CHCHD3: variants seen among roughly 807,000 people sequenced by gnomAD.
CHCHD3 encodes the protein coiled-coil-helix-coiled-coil-helix domain containing 3.
Under a neutral mutation model 38.2 loss-of-function variants are expected in CHCHD3, and 20 were observed. The ratio of observed to expected loss-of-function variants is 0.52; its 90% confidence interval spans 0.37 to 0.76. The LOEUF (loss-of-function observed/expected upper bound fraction) is 0.76, where lower values mean the gene tolerates loss of function less well. Among genes scored for constraint, CHCHD3 ranks in the 30% least tolerant of loss-of-function variants. The probability of loss-of-function intolerance (pLI) is 0.00; values close to 1 mark genes in which losing one functional copy is unlikely to be tolerated. For missense variants in CHCHD3, 245 were observed against 279.2 expected (o/e 0.88, Z 0.87); for synonymous variants, 82 against 100.0 (o/e 0.82, Z 1.07).
intron 5 of CHCHD3, among the ~76,000 whole-genome samples, chr7:132,858,441 A>G (rs565583116): frequency 6.6e-6 from 1 of 152,198 alleles, no homozygotes; most frequent in Non-Finnish European, 1.5e-5. Context: ...GACAAAAAAC[A>G]AAAGTAATGA....
rs1234351482 is a variant in CHCHD3, at chr7:132,914,121, G to GGTGT, written c.370-28377_370-28376insACAC. ...ATTACAGATGCCCACCACCATGCCT[G>GGTGT]GCGTGTGTGTGTGTGTGTGTGTGTG... On this transcript the variant is annotated intron_variant, in intron 4 of 7. Transcript: ENST00000262570. 3.7e-3 allele frequency among the ~76,000 whole-genome samples: 427 copies of GGTGT among 114,004 alleles called. 1 individual carries two copies. The highest frequency in any genetic ancestry group is 0.014 in the African/African-American group (396 of 28,294). The allele number at this position is 114,004 out of a possible 152,430, so 74.8% of individuals were successfully genotyped here.
At chr7:132,805,683 A>T (rs1353466686) in intron 6 of CHCHD3, among the ~76,000 whole-genome samples, 2 of 152,154 alleles carry the variant, frequency 1.3e-5, no homozygotes, top group African/African-American at 4.8e-5. Flanking sequence ...AATCAGATGG[A>T]TAGAAGTGGA....
At chr7:133,019,422 A>G (rs372272737) in intron 3 of CHCHD3, among the ~76,000 whole-genome samples, 10 of 152,216 alleles carry the variant, frequency 6.6e-5, no homozygotes, top group East Asian at 3.8e-4. Flanking sequence ...AAAGGTACAA[A>G]TAAGTTTTAA....
chr7:132,820,403 C>G (rs974752617), intron 6 of CHCHD3, among the ~76,000 whole-genome samples: 1 of 152,082 alleles, frequency 6.6e-6, no homozygotes, highest in Non-Finnish European at 1.5e-5. Flanking sequence ...TAACTGCTAA[C>G]AAAAAATGTT....
At chr7:132,908,750 G>A (rs545280861) in intron 4 of CHCHD3, among the ~76,000 whole-genome samples, 9 of 152,314 alleles carry the variant, frequency 5.9e-5, no homozygotes, top group Non-Finnish European at 7.3e-5. Flanking sequence ...CTGAACTCAC[G>A]AGTCTGGGGA....
chr7:132,892,558 A>G (rs1185465606), intron 4 of CHCHD3, among the ~76,000 whole-genome samples: 4 of 152,210 alleles, frequency 2.6e-5, no homozygotes, highest in Non-Finnish European at 5.9e-5. Context: ...CTGAATGTTA[A>G]TCACCAAGAC....
intron 2 of CHCHD3, among the ~76,000 whole-genome samples, chr7:133,052,622 C>T (rs1186017252): frequency 6.6e-6 from 1 of 152,160 alleles, no homozygotes; most frequent in Admixed American, 6.5e-5. Context: ...GTGGTTGACA[C>T]ATTATTTTCT....
In CHCHD3 at chr7:132,996,739, G is replaced by A. The variant is rs142974813; in HGVS notation, c.252-21453C>T. On this transcript the variant is annotated intron_variant, in intron 3 of 7. Coordinates refer to ENST00000262570, the MANE Select transcript of CHCHD3 (RefSeq NM_017812.4). ...GAGATAAGCAAAGGGAAGAGGCAGC[G>A]GTGCGATGCTGAGGGAGTGTGCTCA... 3.9e-3 allele frequency among the ~76,000 whole-genome samples: 595 copies of A among 152,262 alleles called. 7 individuals carry two copies. Among genetic ancestry groups the A allele is most frequent in the African/African-American group, 0.01 (434 of 41,546 alleles).
In CHCHD3 at chr7:132,840,566, C is replaced by A. The variant is rs575231248; in HGVS notation, c.454-2097G>T. 2.0e-5 allele frequency among the ~76,000 whole-genome samples: 3 copies of A among 152,214 alleles called. No homozygotes were observed. In the South Asian group the frequency reaches 6.2e-4, roughly 32 times the overall value. ...TTCCCTTCCAGTGTTCCTAACCCAT[C>A]GAGTATGGATGATAATATTAGCCCT... On this transcript the variant is annotated intron_variant, in intron 5 of 7. Transcript: ENST00000262570.
intron 3 of CHCHD3, among the ~76,000 whole-genome samples, chr7:132,977,398 CAAAT>C (rs1811795091): frequency 6.6e-6 from 1 of 152,138 alleles, no homozygotes; most frequent in Non-Finnish European, 1.5e-5. Flanking sequence ...CACTTGTACT[CAAAT>C]AAATCCTGGA....
At chr7:132,947,987 C>A (rs1810938353) in intron 4 of CHCHD3, among the ~76,000 whole-genome samples, 1 of 151,876 alleles carries the variant, frequency 6.6e-6, no homozygotes, top group Non-Finnish European at 1.5e-5. Flanking sequence ...AAAGACACAA[C>A]CATTGGGGGG....
At chr7:133,045,530 A>T (rs1813959430) in intron 2 of CHCHD3, among the ~76,000 whole-genome samples, 1 of 152,216 alleles carries the variant, frequency 6.6e-6, no homozygotes, top group Non-Finnish European at 1.5e-5. Context: ...CTTCAATATG[A>T]TCATTTTATC....
chr7:132,954,064 A>G (rs1481849974), intron 4 of CHCHD3, among the ~76,000 whole-genome samples: 1 of 152,156 alleles, frequency 6.6e-6, no homozygotes, highest in East Asian at 1.9e-4. Flanking sequence ...GCAAAGTTTA[A>G]AAGAGGGCTG....
rs1195254355 is a variant in CHCHD3 at position 133,035,023 on chromosome 7, C to T, written c.170-10396G>A. 2 of 1,612,782 alleles carry T rather than the reference C, an allele frequency of 1.2e-6. No individual in the cohort carries two copies. The highest frequency in any genetic ancestry group is 1.3e-5 in the African/African-American group (1 of 75,030). ...GGCAGTGCCACAGAGAGTGTGTCCT[C>T]ATTGGAGTACTTGCGCTTAAATTCA... On this transcript the variant is annotated intron_variant, in intron 2 of 7. Transcript: ENST00000262570. The surrounding 1 kb of genome is among the most constrained non-coding windows in gnomAD (Gnocchi z 4.7).
intron 4 of CHCHD3, among the ~76,000 whole-genome samples, chr7:132,939,641 TC>T (rs1810716852): frequency 6.6e-6 from 1 of 152,204 alleles, no homozygotes; most frequent in Non-Finnish European, 1.5e-5. Context: ...CAAACACTGT[TC>T]AGTGACTCTC....
intron 4 of CHCHD3, among the ~76,000 whole-genome samples, chr7:132,924,346 A>T (rs2117243438): frequency 6.6e-6 from 1 of 152,318 alleles, no homozygotes; most frequent in African/African-American, 2.4e-5. Flanking sequence ...AAATCACAGA[A>T]TGAAGTACAA....
At chr7:132,838,334 G>T in intron 6 of CHCHD3, 65 bp downstream of exon 6, 2 of 1,096,942 alleles carry the variant, frequency 1.8e-6, no homozygotes, top group South Asian at 1.3e-5. Context: ...TGTGCAAAAA[G>T]CACTAAAACT....
chr7:133,041,957 T>G lies in CHCHD3; in HGVS notation c.170-17330A>C, dbSNP rs183658103. ...AGCTAAAAAATAAACATAGTTCAGG[T>G]CTAAAGCAGTCTGCCTGGGCATAAG... On this transcript the variant is annotated intron_variant, in intron 2 of 7. Coordinates refer to ENST00000262570, the MANE Select transcript of CHCHD3 (RefSeq NM_017812.4). Among the ~76,000 whole-genome samples the G allele has an allele frequency of 1.0e-3, 158 of 152,328 alleles. 1 individual carries two copies. Among genetic ancestry groups the G allele is most frequent in the African/African-American group, 3.5e-3 (146 of 41,580 alleles).
chr7:133,060,824 C>A (rs188714812), intron 2 of CHCHD3, among the ~76,000 whole-genome samples: 1 of 152,232 alleles, frequency 6.6e-6, no homozygotes, highest in East Asian at 1.9e-4. Flanking sequence ...GCAGGAGAAT[C>A]ACTTGAACCT....
Sources: gnomAD v4.1 joint callset for allele counts (sites outside exome capture counted in the v4.1 genomes callset) on GRCh38, gnomAD v4.1.1 for gene constraint, Gnocchi (gnomAD v3.1) non-coding constraint, MANE v1.5 for transcripts, NCBI Gene and HGNC (gene_info 2026-07-23, HGNC 2026-07-21) for gene names.